ATP8A2: variants seen among roughly 807,000 people sequenced by gnomAD.
The protein encoded by ATP8A2 is ATPase phospholipid transporting 8A2, also known as phospholipid-transporting ATPase IB.
Under a neutral mutation model 165.6 loss-of-function variants are expected in ATP8A2, and 100 were observed. The observed-to-expected ratio is 0.60, with a 90% CI of 0.51 to 0.71. ATP8A2 has a LOEUF of 0.71. ATP8A2 is among the 30% of genes least tolerant of loss of function. The pLI, the probability that ATP8A2 is intolerant of heterozygous loss-of-function variation, is 0.00. For missense variants in ATP8A2, 1,227 were observed against 1,479.5 expected, an observed-to-expected ratio of 0.83 and a Z score of 2.80; for synonymous variants, 543 against 548.8, an observed-to-expected ratio of 0.99 and a Z score of 0.15.
intron 24 of ATP8A2, among the ~76,000 whole-genome samples, chr13:25,634,607 A>G (rs11838381): frequency 0.035 from 5,266 of 152,230 alleles, 158 homozygotes; most frequent in East Asian, 0.13. Context: ...GTTTTCTTTT[A>G]AATGGATCTT....
In ATP8A2 at chr13:25,750,055, A is replaced by G. The variant is rs1048569247; in HGVS notation, c.2385-18991A>G. Among the ~76,000 whole-genome samples the G allele has an allele frequency of 1.3e-5, 2 of 152,216 alleles. No homozygotes were observed. Among genetic ancestry groups the G allele is most frequent in the African/African-American group, 4.8e-5 (2 of 41,454 alleles). ...AAGAAGAATTATTTGCATGTATGTGAGCTCCTGTTTGTATACGAAACAACC... is the reference window on the plus strand; with the variant it reads ...AAGAAGAATTATTTGCATGTATGTGGGCTCCTGTTTGTATACGAAACAACC... On this transcript the variant is annotated intron_variant, in intron 25 of 36. Transcript: ENST00000381655. The surrounding 1 kb of genome is among the most constrained non-coding windows in gnomAD (Gnocchi z 4.3).
chr13:25,576,097 A>G (rs1213674328), intron 19 of ATP8A2, among the ~76,000 whole-genome samples: 1 of 152,218 alleles, frequency 6.6e-6, no homozygotes, highest in Non-Finnish European at 1.5e-5. Context: ...CACATTGAGA[A>G]ACTGAAACAC....
chr13:25,833,423 A>G (rs1194096382), intron 28 of ATP8A2, among the ~76,000 whole-genome samples: 1 of 152,212 alleles, frequency 6.6e-6, no homozygotes, highest in Non-Finnish European at 1.5e-5. Flanking sequence ...GCTCAAAAAA[A>G]GAACATAAAA....
rs2037376511 is a variant in ATP8A2, at chr13:25,513,962, G to A, written c.222-16037G>A. On this transcript the variant is annotated intron_variant, in intron 2 of 36. Coordinates refer to ENST00000381655, the MANE Select transcript of ATP8A2 (RefSeq NM_016529.6). ...GGAGACCGTGGAAAGAGAGGGAGAG[G>A]GAGACCATGGGGAGTGGGAGAGGGG... Among the ~76,000 whole-genome samples, 8 of 147,216 alleles carry A rather than the reference G, an allele frequency of 5.4e-5. 1 individual carries two copies. The South Asian group carries it at 1.9e-3, about 34-fold the overall frequency.
chr13:25,980,470 T>G (rs1306241447), intron 35 of ATP8A2, among the ~76,000 whole-genome samples: 2 of 152,140 alleles, frequency 1.3e-5, no homozygotes, highest in Non-Finnish European at 2.9e-5. Context: ...GTGGGAGGGA[T>G]GCTCGGTGTG....
At chr13:25,873,777 TAC>T (rs1952745272) in intron 33 of ATP8A2, 1 of 155,480 alleles carries the variant, frequency 6.4e-6, no homozygotes, top group African/African-American at 2.4e-5. Context: ...TAGCTGGGAC[TAC>T]AGGCGCCCAC....
chr13:25,873,485 T>C (rs1419024893), intron 33 of ATP8A2, among the ~76,000 whole-genome samples: 1 of 152,182 alleles, frequency 6.6e-6, no homozygotes, highest in Non-Finnish European at 1.5e-5. Flanking sequence ...TCTAAATGGT[T>C]CCTTTATTAT....
chr13:26,002,611 C>G (rs1329191551), intron 35 of ATP8A2, among the ~76,000 whole-genome samples: 2 of 151,142 alleles, frequency 1.3e-5, no homozygotes, highest in Non-Finnish European at 2.9e-5. Context: ...AATTTTGTAC[C>G]CTTTGACCAA....
chr13:25,857,660 T>A (rs1484465713), intron 30 of ATP8A2, among the ~76,000 whole-genome samples: 1 of 136,724 alleles, frequency 7.3e-6, no homozygotes, highest in African/African-American at 2.7e-5. Flanking sequence ...AACCTTCACC[T>A]CCCAGGTTCA....
At chr13:25,377,390 C>G (rs2032670663) in intron 1 of ATP8A2, among the ~76,000 whole-genome samples, 1 of 152,166 alleles carries the variant, frequency 6.6e-6, no homozygotes, top group African/African-American at 2.4e-5. Context: ...CAAGGGCAAA[C>G]ACAGAAACAG....
chr13:25,390,195 T>A (rs2033194572), intron 1 of ATP8A2, among the ~76,000 whole-genome samples: 1 of 152,156 alleles, frequency 6.6e-6, no homozygotes, highest in Non-Finnish European at 1.5e-5. Flanking sequence ...GGTTTCACCA[T>A]CTTGGCCAGG....
chr13:25,701,893 A>G (rs770702510), intron 25 of ATP8A2, among the ~76,000 whole-genome samples: 9 of 152,100 alleles, frequency 5.9e-5, no homozygotes, highest in Non-Finnish European at 1.0e-4. Flanking sequence ...CAAATTAAAT[A>G]CTGTTACAGT....
intron 30 of ATP8A2, among the ~76,000 whole-genome samples, chr13:25,840,658 T>C (rs1951730071): frequency 1.3e-5 from 2 of 152,206 alleles, no homozygotes; most frequent in Non-Finnish European, 2.9e-5. Context: ...AAACCCTTCT[T>C]GTGATTCATC....
intron 34 of ATP8A2, among the ~76,000 whole-genome samples, chr13:25,966,430 AAT>A (rs2139202110): frequency 6.6e-6 from 1 of 152,254 alleles, no homozygotes; most frequent in South Asian, 2.1e-4. Context: ...GAGATTTTAG[AAT>A]CAGTTTTTCT....
chr13:25,956,119 G>A (rs764819973), intron 33 of ATP8A2, among the ~76,000 whole-genome samples: 2 of 151,916 alleles, frequency 1.3e-5, no homozygotes, highest in African/African-American at 2.4e-5. Context: ...TTGATGGAAC[G>A]TATCTCAATA....
At chr13:25,769,271 A>T in intron 26 of ATP8A2, 42 bp downstream of exon 26, 1 of 1,569,648 alleles carries the variant, frequency 6.4e-7, no homozygotes, top group Non-Finnish European at 8.7e-7. Context: ...CTGTTGAGAG[A>T]TGATAGCTGG....
intron 24 of ATP8A2, among the ~76,000 whole-genome samples, chr13:25,597,554 G>A (rs2040268784): frequency 6.6e-6 from 1 of 152,170 alleles, no homozygotes; most frequent in African/African-American, 2.4e-5. Context: ...CCTACAGCCA[G>A]CAAGAAAATG....
chr13:25,623,821 G>A (rs1474769518), intron 24 of ATP8A2, among the ~76,000 whole-genome samples: 1 of 151,732 alleles, frequency 6.6e-6, no homozygotes, highest in East Asian at 1.9e-4. Context: ...GAGCATAAAT[G>A]CATAAATTAT....
chr13:25,616,326 CTTTTTTTTT>C (rs535891442), intron 24 of ATP8A2, among the ~76,000 whole-genome samples: 6 of 106,754 alleles, frequency 5.6e-5, no homozygotes, highest in African/African-American at 7.6e-5. Context: ...TTCTTTCTTT[CTTTTTTTTT>C]TTTTTTTTTT....
Sources: gnomAD v4.1 joint callset for allele counts (sites outside exome capture counted in the v4.1 genomes callset) on GRCh38, gnomAD v4.1.1 for gene constraint, Gnocchi (gnomAD v3.1) non-coding constraint, MANE v1.5 for transcripts, NCBI Gene and HGNC (gene_info 2026-07-23, HGNC 2026-07-21) for gene names.